RYR2: variants seen among roughly 807,000 people sequenced by gnomAD.
The protein encoded by RYR2 is cardiac muscle ryanodine receptor-calcium release channel.
A neutral mutation model predicts 601.1 loss-of-function variants in RYR2; 227 were observed. The ratio of observed to expected loss-of-function variants is 0.38; its 90% CI spans 0.34 to 0.42. The LOEUF (loss-of-function observed/expected upper bound fraction) is 0.42. Ranked by LOEUF, RYR2 falls within the 10% of genes least tolerant of loss-of-function variation. The pLI, the probability that RYR2 is intolerant of heterozygous loss-of-function variation, is 1.00. For missense variants in RYR2, 4,646 were observed against 6,156.5 expected (o/e 0.75, Z 8.21); for synonymous variants, 2,223 against 2,175.1 (o/e 1.02, Z -0.61).
intron 16 of RYR2, among the ~76,000 whole-genome samples, chr1:237,463,352 TAATTTCTTGG>T (rs1396471410): frequency 6.6e-6 from 1 of 152,206 alleles, no homozygotes; most frequent in Non-Finnish European, 1.5e-5. Context: ...AAAGTGAAGG[TAATTTCTTGG>T]AATTTCTTTT....
chr1:237,662,124 T>C (rs1683860501), intron 56 of RYR2, among the ~76,000 whole-genome samples: 1 of 152,166 alleles, frequency 6.6e-6, no homozygotes, highest in African/African-American at 2.4e-5. Context: ...AATATACTTT[T>C]AAATAAATTT....
rs1338541965 is a variant in RYR2, at chr1:237,669,773, CG to C, written c.8590+1817del. 1.6e-3 allele frequency among the ~76,000 whole-genome samples: 248 copies of C among 150,976 alleles called. 3 individuals are homozygous for C. Among genetic ancestry groups the C allele is most frequent in the African/African-American group, 5.2e-3 (212 of 41,060 alleles). ...GCTCCTCACTTCCTAGATGGGATGG[CG>C]GCCGGGCAGAGACGCTCCTCACTTT... On this transcript the variant is annotated intron_variant, in intron 58 of 104. Transcript: ENST00000366574.
At chr1:237,107,365 C>CA (rs1173065228) in intron 1 of RYR2, among the ~76,000 whole-genome samples, 10 of 150,696 alleles carry the variant, frequency 6.6e-5, no homozygotes, top group Non-Finnish European at 1.2e-4. Context: ...ACTAAAAATA[C>CA]AAAAAATTAG....
At chr1:237,237,016 A>G (rs192715424) in intron 1 of RYR2, among the ~76,000 whole-genome samples, 14 of 152,250 alleles carry the variant, frequency 9.2e-5, no homozygotes, top group Admixed American at 9.2e-4. Flanking sequence ...TTATAATGAT[A>G]TGAGTGAGTG....
At chr1:237,111,089 G>T (rs1046948553) in intron 1 of RYR2, among the ~76,000 whole-genome samples, 1 of 152,132 alleles carries the variant, frequency 6.6e-6, no homozygotes, top group East Asian at 1.9e-4. Context: ...AGGATGCTTC[G>T]AGGTTGGACC....
intron 2 of RYR2, among the ~76,000 whole-genome samples, chr1:237,315,801 T>C (rs1196122903): frequency 6.6e-6 from 1 of 152,124 alleles, no homozygotes; most frequent in Non-Finnish European, 1.5e-5. Flanking sequence ...ATGGGAGAAA[T>C]GAAAATGTGT....
chr1:237,127,807 C>T (rs1295709425), intron 1 of RYR2, among the ~76,000 whole-genome samples: 4 of 151,378 alleles, frequency 2.6e-5, no homozygotes, highest in Non-Finnish European at 4.4e-5. Flanking sequence ...CAGAGACGCT[C>T]CTCACTTCCT....
intron 73 of RYR2, among the ~76,000 whole-genome samples, chr1:237,719,952 A>G (rs971007303): frequency 3.3e-5 from 5 of 152,368 alleles, no homozygotes; most frequent in African/African-American, 1.2e-4. Flanking sequence ...AGCAATAGGA[A>G]TAAGTGAGTT....
At chr1:237,619,965 T>C (rs1262005802) in intron 38 of RYR2, among the ~76,000 whole-genome samples, 1 of 152,094 alleles carries the variant, frequency 6.6e-6, no homozygotes, top group East Asian at 1.9e-4. Context: ...AGGAAGTTCT[T>C]TAAATATAAG....
chr1:237,787,549 G>A (rs904356774), intron 91 of RYR2, among the ~76,000 whole-genome samples: 37 of 138,420 alleles, frequency 2.7e-4, no homozygotes, highest in Middle Eastern at 4.5e-3. Context: ...CTGAGATGGC[G>A]CCCCTGCATT....
At chr1:237,620,412 C>T (rs1261212045) in intron 38 of RYR2, among the ~76,000 whole-genome samples, 1 of 152,032 alleles carries the variant, frequency 6.6e-6, no homozygotes, top group Non-Finnish European at 1.5e-5. Flanking sequence ...CATAGCAAGT[C>T]AGTAAAAATA....
At chr1:237,646,025 C>T (rs906925252) in intron 48 of RYR2, among the ~76,000 whole-genome samples, 28 of 152,018 alleles carry the variant, frequency 1.8e-4, no homozygotes, top group Non-Finnish European at 3.5e-4. Flanking sequence ...TACAGGCGCC[C>T]GCCACTATGC....
At chr1:237,781,441 T>C (rs1316340455) in intron 88 of RYR2, 124 bp from the exon 89 acceptor site, 4 of 584,836 alleles carry the variant, frequency 6.8e-6, no homozygotes, top group Admixed American at 3.1e-5. Context: ...CCTCCTTTAG[T>C]TCCATAATGC....
intron 6 of RYR2, among the ~76,000 whole-genome samples, chr1:237,374,128 T>C (rs1437412912): frequency 6.6e-6 from 1 of 152,204 alleles, no homozygotes; most frequent in Admixed American, 6.5e-5. Context: ...ATCTGGGCTT[T>C]GTGCAGAAGC....
chr1:237,625,710 A>C lies in RYR2; in HGVS notation c.6072A>C (p.Thr2024=). ...DGSLDGNSDL[T]IRGRLLSLVE... ...CTCTGGATGGAAACAGTGATTTAAC[A>C]ATTAGAGGGCGTCTGCTATCCCTGG... Residue 2024 remains threonine, a synonymous_variant, in exon 40 of 105, where the codon ACA becomes ACC. Transcript: ENST00000366574. 4.3e-6 allele frequency: 7 copies of C among 1,613,804 alleles called. No individual in the cohort carries two copies. The highest frequency in any genetic ancestry group is 1.1e-5 in the South Asian group (1 of 91,078).
intron 24 of RYR2, among the ~76,000 whole-genome samples, chr1:237,514,394 G>A (rs147727495): frequency 1.3e-5 from 2 of 152,146 alleles, no homozygotes; most frequent in African/African-American, 4.8e-5. Context: ...CAGACTGCAC[G>A]TACTGTGGTT....
intron 1 of RYR2, among the ~76,000 whole-genome samples, chr1:237,196,978 T>A (rs1269425777): frequency 1.1e-4 from 16 of 152,224 alleles, no homozygotes; most frequent in Admixed American, 1.0e-3. Flanking sequence ...AAAATTCTTA[T>A]GCATCTTTTG....
intron 2 of RYR2, among the ~76,000 whole-genome samples, chr1:237,286,066 G>A (rs936441096): frequency 5.3e-5 from 8 of 151,866 alleles, no homozygotes; most frequent in African/African-American, 1.9e-4. Context: ...CTGGGTTTGG[G>A]TTTGGTTTGT....
At chr1:237,498,729 G>T (rs904151279) in intron 20 of RYR2, among the ~76,000 whole-genome samples, 1 of 151,992 alleles carries the variant, frequency 6.6e-6, no homozygotes, top group Non-Finnish European at 1.5e-5. Context: ...AATTGTATGC[G>T]TTATACCTTT....
Sources: gnomAD v4.1 joint callset for allele counts (sites outside exome capture counted in the v4.1 genomes callset) on GRCh38, gnomAD v4.1.1 for gene constraint, MANE v1.5 for transcripts, NCBI Gene and HGNC (gene_info 2026-07-23, HGNC 2026-07-21) for gene names.